SGCD: variants seen among roughly 807,000 people sequenced by gnomAD.
SGCD encodes the protein sarcoglycan delta.
Under a neutral mutation model 36.6 loss-of-function variants are expected in SGCD, and 18 were observed. The ratio of observed to expected loss-of-function variants is 0.49; its 90% confidence interval spans 0.34 to 0.73. SGCD has a LOEUF of 0.73. Among genes scored for constraint, SGCD ranks in the 30% least tolerant of loss-of-function variants. The pLI, the probability that SGCD is intolerant of heterozygous loss-of-function variation, is 0.01. For missense variants in SGCD, 387 were observed against 346.7 expected (o/e 1.12, Z -0.92); for synonymous variants, 133 against 130.6 (o/e 1.02, Z -0.12).
At chr5:155,832,758 T>C in the SGCD span, among the ~76,000 whole-genome samples, 1 of 152,190 alleles carries the variant, frequency 6.6e-6, no homozygotes, top group Admixed American at 6.5e-5. Context: ...ATTACTTTTG[T>C]GTAGAGAATT....
chr5:156,518,737 A>G (rs1757286022), intron 4 of SGCD, among the ~76,000 whole-genome samples: 1 of 152,220 alleles, frequency 6.6e-6, no homozygotes, highest in Non-Finnish European at 1.5e-5. Context: ...AAATTGAGCA[A>G]CCTGTTCCCA....
In SGCD at chr5:156,763,510, C is replaced by T. The variant is rs1483452922; in HGVS notation, c.*4120C>T. 3 of 152,270 alleles carry T rather than the reference C, an allele frequency of 2.0e-5. No individual in the cohort carries two copies. Among genetic ancestry groups the T allele is most frequent in the African/African-American group, 7.2e-5 (3 of 41,412 alleles). The allele number at this position is 152,270 out of a possible 1,614,324, so 9.4% of individuals were successfully genotyped here. Reference sequence around the variant, plus strand: ...GATGCTGTGAGAAACCAGATGAATGCCAGTTTGGCTTTATTTCTAAGAATC... The same window carrying T: ...GATGCTGTGAGAAACCAGATGAATGTCAGTTTGGCTTTATTTCTAAGAATC... On this transcript the variant is annotated 3_prime_UTR_variant, in exon 9 of 9. Transcript: ENST00000337851.
At chr5:156,595,974 G>A (rs1218217940) in intron 6 of SGCD, among the ~76,000 whole-genome samples, 2 of 152,138 alleles carry the variant, frequency 1.3e-5, no homozygotes, top group Non-Finnish European at 2.9e-5. Context: ...AACTCCAGCT[G>A]ACCGGGTTTT....
chr5:156,707,479 A>G (rs1311712092), intron 7 of SGCD, among the ~76,000 whole-genome samples: 3 of 152,310 alleles, frequency 2.0e-5, no homozygotes, highest in East Asian at 3.9e-4. Context: ...GGGAAGTTTT[A>G]TGGTGATTCT....
chr5:156,561,736 C>T (rs1759274402), intron 4 of SGCD, among the ~76,000 whole-genome samples: 1 of 151,172 alleles, frequency 6.6e-6, no homozygotes, highest in African/African-American at 2.4e-5. Flanking sequence ...TGTTCTATAT[C>T]ACATAGTTAG....
intron 4 of SGCD, among the ~76,000 whole-genome samples, chr5:156,524,323 A>G (rs544955315): frequency 4.8e-4 from 70 of 144,692 alleles, no homozygotes; most frequent in Non-Finnish European, 8.7e-4. Flanking sequence ...GCAGGAGTTA[A>G]GAAACTAGGA....
intron 1 of SGCD, among the ~76,000 whole-genome samples, chr5:155,933,988 T>C (rs114131384): frequency 0.025 from 3,819 of 152,292 alleles, 78 homozygotes; most frequent in Non-Finnish European, 0.037. Context: ...GCCTGGAACA[T>C]TAGGACACTG....
At chr5:155,776,168 C>A in the SGCD span, among the ~76,000 whole-genome samples, 2 of 152,124 alleles carry the variant, frequency 1.3e-5, no homozygotes, top group African/African-American at 4.8e-5. Context: ...CAGTGATATG[C>A]CTTTATTTTT....
chr5:155,853,522 T>G, the SGCD span, among the ~76,000 whole-genome samples: 1 of 152,186 alleles, frequency 6.6e-6, no homozygotes, highest in African/African-American at 2.4e-5. Flanking sequence ...TAAAAACATT[T>G]ATTCTCAATT....
At chr5:156,188,971 T>C (rs1283761595) in intron 3 of SGCD, among the ~76,000 whole-genome samples, 1 of 152,158 alleles carries the variant, frequency 6.6e-6, no homozygotes, top group African/African-American at 2.4e-5. Context: ...GGGTAATCAC[T>C]CTGTGGTTTT....
At chr5:155,838,117 C>T in the SGCD span, among the ~76,000 whole-genome samples, 3 of 152,006 alleles carry the variant, frequency 2.0e-5, no homozygotes, top group Non-Finnish European at 4.4e-5. Flanking sequence ...ATTGTTTTAT[C>T]TGTAACTATT....
chr5:156,534,328 A>G (rs1758008147), intron 4 of SGCD, among the ~76,000 whole-genome samples: 1 of 152,156 alleles, frequency 6.6e-6, no homozygotes, highest in Non-Finnish European at 1.5e-5. Flanking sequence ...TTAGGCCTCT[A>G]CGGCTTGCCC....
the SGCD span, among the ~76,000 whole-genome samples, chr5:155,795,563 C>T: frequency 6.6e-6 from 1 of 151,854 alleles, no homozygotes; most frequent in Non-Finnish European, 1.5e-5. Context: ...TAATAGAAAA[C>T]ATTTTATTAA....
At chr5:155,913,877 G>A (rs1032268897) in intron 1 of SGCD, among the ~76,000 whole-genome samples, 2 of 152,206 alleles carry the variant, frequency 1.3e-5, no homozygotes, top group African/African-American at 4.8e-5. Context: ...CAAGACCGTG[G>A]AAACAGTTTC....
At chr5:156,608,002 A>T (rs1199505879) in intron 6 of SGCD, among the ~76,000 whole-genome samples, 2 of 152,108 alleles carry the variant, frequency 1.3e-5, no homozygotes, top group Non-Finnish European at 2.9e-5. Context: ...CAGCTCCTGG[A>T]TTCATTGAGC....
chr5:155,941,648 A>C (rs1008885743), intron 1 of SGCD, among the ~76,000 whole-genome samples: 1 of 151,848 alleles, frequency 6.6e-6, no homozygotes, highest in Non-Finnish European at 1.5e-5. Flanking sequence ...TTACATTACT[A>C]TAGTACTAAG....
At chr5:156,617,639 G>A (rs1036158357) in intron 6 of SGCD, among the ~76,000 whole-genome samples, 3 of 152,162 alleles carry the variant, frequency 2.0e-5, no homozygotes, top group Admixed American at 2.0e-4. Flanking sequence ...GCTGAGGAGA[G>A]GGATCAGAGA....
intron 3 of SGCD, among the ~76,000 whole-genome samples, chr5:156,183,032 C>G (rs1763646789): frequency 6.6e-6 from 1 of 152,102 alleles, no homozygotes; most frequent in Non-Finnish European, 1.5e-5. Flanking sequence ...GTAATCCTAG[C>G]ACATTGGGAG....
the SGCD span, among the ~76,000 whole-genome samples, chr5:155,818,193 A>G: frequency 1.3e-5 from 2 of 152,194 alleles, no homozygotes; most frequent in African/African-American, 4.8e-5. Context: ...ACTGAAGAGT[A>G]AATAGATTTT....
Sources: gnomAD v4.1 joint callset for allele counts (sites outside exome capture counted in the v4.1 genomes callset) on GRCh38, gnomAD v4.1.1 for gene constraint, MANE v1.5 for transcripts, NCBI Gene and HGNC (gene_info 2026-07-23, HGNC 2026-07-21) for gene names.